The following WDR49 variants were observed in gnomAD, a reference collection of about 807,000 sequenced individuals.
WDR49 encodes cilia- and flagella-associated protein 337.
In WDR49, 107 loss-of-function variants were observed where a neutral mutation model predicts 119.5. The ratio of observed to expected loss-of-function variants is 0.90; its 90% CI spans 0.77 to 1.05. The LOEUF (loss-of-function observed/expected upper bound fraction) is 1.05. WDR49 is among the 50% of genes least tolerant of loss of function. The pLI is 0.00. For synonymous variants in WDR49, 425 were observed against 418.8 expected (o/e 1.01, Z -0.18); for missense variants, 1,240 against 1,220.5 (o/e 1.02, Z -0.24).
Position 167,616,951 on chromosome 3 carries a change from G to C in WDR49, c.958+3478C>G, listed in dbSNP as rs112865178. Among the ~76,000 whole-genome samples the C allele has an allele frequency of 4.4e-3, 676 of 152,286 alleles. 5 individuals are homozygous for C. The highest frequency in any genetic ancestry group is 0.013 in the African/African-American group (546 of 41,564). ...TTATATGTAAATGTAATTTTCATGTGAGGCATTCAAATTTCCTTCTAGGCT... is the reference window on the plus strand; with the variant it reads ...TTATATGTAAATGTAATTTTCATGTCAGGCATTCAAATTTCCTTCTAGGCT... On this transcript the variant is annotated intron_variant, in intron 5 of 18. Transcript: ENST00000682715.
At chr3:167,651,345 T>G (rs1005403915) in intron 2 of WDR49, among the ~76,000 whole-genome samples, 1 of 152,224 alleles carries the variant, frequency 6.6e-6, no homozygotes, top group Non-Finnish European at 1.5e-5. Flanking sequence ...GAGTTCAAAG[T>G]TGCAGGAATG....
At chr3:167,578,066 A>G (rs1560294985) in intron 7 of WDR49, among the ~76,000 whole-genome samples, 1 of 152,106 alleles carries the variant, frequency 6.6e-6, no homozygotes, top group East Asian at 1.9e-4. Flanking sequence ...TTTTCATTCT[A>G]TCCTACCTTC....
intron 2 of WDR49, among the ~76,000 whole-genome samples, chr3:167,642,290 T>C (rs1717916279): frequency 6.6e-6 from 1 of 151,962 alleles, no homozygotes; most frequent in African/African-American, 2.4e-5. Flanking sequence ...TGTAATGCAA[T>C]ATAATGCAAA....
At chr3:167,495,942 C>A (rs1751340264) in intron 18 of WDR49, among the ~76,000 whole-genome samples, 1 of 132,046 alleles carries the variant, frequency 7.6e-6, no homozygotes. Context: ...AGCTTCAAAT[C>A]CAATGAAAAA....
chr3:167,579,434 T>G (rs1157164487), intron 7 of WDR49, among the ~76,000 whole-genome samples: 1 of 152,156 alleles, frequency 6.6e-6, no homozygotes, highest in Non-Finnish European at 1.5e-5. Context: ...TTATGGGACT[T>G]TTTAAAATAT....
chr3:167,507,027 C>G (rs1751796198), intron 16 of WDR49, among the ~76,000 whole-genome samples: 1 of 152,108 alleles, frequency 6.6e-6, no homozygotes, highest in South Asian at 2.1e-4. Context: ...TGATGTTAAC[C>G]TCAATTACCT....
chr3:167,497,929 C>T (rs370356900), intron 18 of WDR49, among the ~76,000 whole-genome samples: 7 of 150,186 alleles, frequency 4.7e-5, no homozygotes, highest in African/African-American at 1.7e-4. Context: ...TCGGCCTCCA[C>T]CTTCCGAGTT....
At chr3:167,593,859 G>A (rs368795101) in intron 7 of WDR49, among the ~76,000 whole-genome samples, 3 of 152,096 alleles carry the variant, frequency 2.0e-5, no homozygotes, top group African/African-American at 7.2e-5. Flanking sequence ...CCCCCATGCT[G>A]TTCTCATGAT....
chr3:167,592,439 T>C (rs1715177515), intron 7 of WDR49, among the ~76,000 whole-genome samples: 1 of 143,250 alleles, frequency 7.0e-6, no homozygotes, highest in Non-Finnish European at 1.5e-5. Context: ...TTCTTTTTCT[T>C]TTTTTTTTTT....
intron 8 of WDR49, among the ~76,000 whole-genome samples, chr3:167,567,089 A>T (rs1713650219): frequency 6.6e-6 from 1 of 152,168 alleles, no homozygotes; most frequent in Non-Finnish European, 1.5e-5. Context: ...AACAGTACCA[A>T]TCCCTCTTCC....
intron 16 of WDR49, among the ~76,000 whole-genome samples, chr3:167,511,827 A>G (rs1187659939): frequency 6.6e-6 from 1 of 152,220 alleles, no homozygotes; most frequent in African/African-American, 2.4e-5. Flanking sequence ...AATGCAGCAC[A>G]GTGGCTGTGG....
intron 7 of WDR49, among the ~76,000 whole-genome samples, chr3:167,589,149 G>T (rs1714979147): frequency 1.3e-5 from 2 of 152,072 alleles, no homozygotes; most frequent in South Asian, 4.1e-4. Flanking sequence ...ATTATCTTCT[G>T]CATATAGATA....
intron 7 of WDR49, among the ~76,000 whole-genome samples, chr3:167,581,296 C>A (rs1187587941): frequency 1.3e-5 from 2 of 151,976 alleles, no homozygotes; most frequent in African/African-American, 2.4e-5. Context: ...ACACAATAGA[C>A]CTAGAAATCA....
intron 7 of WDR49, among the ~76,000 whole-genome samples, chr3:167,589,866 A>T (rs1715016395): frequency 6.6e-6 from 1 of 152,046 alleles, no homozygotes; most frequent in Non-Finnish European, 1.5e-5. Context: ...GCAAATAAGG[A>T]TAATGTGCTT....
chr3:167,651,019 C>T (rs1253197887), intron 2 of WDR49, among the ~76,000 whole-genome samples: 1 of 152,150 alleles, frequency 6.6e-6, no homozygotes, highest in Non-Finnish European at 1.5e-5. Context: ...TATACAACTG[C>T]ACAATGAACA....
chr3:167,543,560 T>C (rs1317719608), intron 10 of WDR49, among the ~76,000 whole-genome samples: 6 of 152,186 alleles, frequency 3.9e-5, no homozygotes, highest in Non-Finnish European at 2.9e-5. Flanking sequence ...TCTCAATAGA[T>C]GCAGAAAAGA....
intron 8 of WDR49, 62 bp from the exon 9 acceptor site, chr3:167,560,290 C>T (rs1713190158): frequency 6.7e-7 from 1 of 1,487,372 alleles, no homozygotes; most frequent in South Asian, 1.3e-5. Context: ...ATTTATATTT[C>T]AATAAACATA....
intron 8 of WDR49, among the ~76,000 whole-genome samples, chr3:167,563,137 C>T (rs904508728): frequency 1.3e-5 from 2 of 152,026 alleles, no homozygotes; most frequent in South Asian, 4.1e-4. Flanking sequence ...AAGGCCGAGG[C>T]GGGCAGATCA....
intron 10 of WDR49, among the ~76,000 whole-genome samples, chr3:167,554,221 A>G (rs556949187): frequency 6.6e-6 from 1 of 152,130 alleles, no homozygotes; most frequent in Non-Finnish European, 1.5e-5. Flanking sequence ...CATTTTCTGC[A>G]CTGATAGAAA....
Sources: gnomAD v4.1 joint callset for allele counts (sites outside exome capture counted in the v4.1 genomes callset) on GRCh38, gnomAD v4.1.1 for gene constraint, MANE v1.5 for transcripts, NCBI Gene and HGNC (gene_info 2026-07-23, HGNC 2026-07-21) for gene names.